EPM2A: variants seen among roughly 807,000 people sequenced by gnomAD.
EPM2A encodes laforin.
In EPM2A, 21 loss-of-function variants were observed where a neutral mutation model predicts 26.5. The observed-to-expected ratio is 0.79, with a 90% CI of 0.56 to 1.14. The LOEUF (loss-of-function observed/expected upper bound fraction) is 1.14, where lower values mean the gene tolerates loss of function less well. Among genes scored for constraint, EPM2A ranks in the 50% most tolerant of loss-of-function variants. EPM2A has a pLI of 0.00. For synonymous variants in EPM2A, 217 were observed against 177.6 expected (o/e 1.22, Z -1.76); for missense variants, 458 against 440.8 (o/e 1.04, Z -0.35).
At chr6:145,409,362 G>A (rs1309352142) in intron 4 of EPM2A, among the ~76,000 whole-genome samples, 4 of 151,992 alleles carry the variant, frequency 2.6e-5, no homozygotes, top group Non-Finnish European at 5.9e-5. Context: ...TCTCCATATA[G>A]GTAGCCATTT....
intron 4 of EPM2A, among the ~76,000 whole-genome samples, chr6:145,389,951 G>T (rs1174305787): frequency 1.3e-5 from 2 of 152,172 alleles, no homozygotes; most frequent in East Asian, 3.8e-4. Context: ...AATTAAAAAT[G>T]GTTAATTCTT....
intron 4 of EPM2A, among the ~76,000 whole-genome samples, chr6:145,486,279 G>A (rs369695767): frequency 2.0e-5 from 3 of 152,090 alleles, no homozygotes; most frequent in African/African-American, 7.2e-5. Flanking sequence ...GAGGTGCTAA[G>A]GATACTCACC....
At chr6:145,570,838 C>T (rs1780944854) in intron 2 of EPM2A, among the ~76,000 whole-genome samples, 1 of 152,194 alleles carries the variant, frequency 6.6e-6, no homozygotes, top group African/African-American at 2.4e-5. Context: ...CATGCATACT[C>T]TTCCTTACCT....
intron 2 of EPM2A, among the ~76,000 whole-genome samples, chr6:145,664,890 G>A (rs1779046731): frequency 6.6e-6 from 1 of 150,636 alleles, no homozygotes; most frequent in African/African-American, 2.4e-5. Flanking sequence ...CATGGAAACT[G>A]AACAACCTGC....
intron 2 of EPM2A, among the ~76,000 whole-genome samples, chr6:145,542,352 C>A (rs140193209): frequency 6.6e-6 from 1 of 152,280 alleles, no homozygotes; most frequent in East Asian, 1.9e-4. Context: ...TCCTGGTGGA[C>A]AAGTGGATTT....
chr6:145,392,006 T>G (rs983111459), intron 4 of EPM2A, among the ~76,000 whole-genome samples: 15 of 151,870 alleles, frequency 9.9e-5, no homozygotes, highest in African/African-American at 3.4e-4. Flanking sequence ...GGAACCTGGG[T>G]TCTAAGGGAA....
intron 1 of EPM2A, among the ~76,000 whole-genome samples, chr6:145,710,260 T>C (rs985171189): frequency 2.0e-5 from 3 of 151,678 alleles, no homozygotes; most frequent in East Asian, 1.9e-4. Context: ...AGAACTCAAA[T>C]AAATTTACAA....
At chr6:145,558,715 C>A (rs1780765721) in intron 2 of EPM2A, among the ~76,000 whole-genome samples, 2 of 152,000 alleles carry the variant, frequency 1.3e-5, no homozygotes, top group South Asian at 4.1e-4. Context: ...GATCCTTTGC[C>A]AATTTTTGAT....
chr6:145,393,043 T>C (rs971848522), intron 4 of EPM2A, among the ~76,000 whole-genome samples: 1 of 152,152 alleles, frequency 6.6e-6, no homozygotes, highest in Non-Finnish European at 1.5e-5. Context: ...TAAATGATGA[T>C]AATGCCAAGC....
intron 4 of EPM2A, among the ~76,000 whole-genome samples, chr6:145,442,225 G>C (rs1397368099): frequency 6.6e-6 from 1 of 152,058 alleles, no homozygotes; most frequent in Admixed American, 6.5e-5. Context: ...TCTCTAAACT[G>C]TTCCAACCTC....
intron 2 of EPM2A, among the ~76,000 whole-genome samples, chr6:145,651,394 C>T (rs955281217): frequency 1.3e-5 from 2 of 152,068 alleles, no homozygotes; most frequent in Non-Finnish European, 2.9e-5. Flanking sequence ...TATGCTTTGG[C>T]GAATTTTCCT....
chr6:145,532,389 T>A (rs1780370854), intron 2 of EPM2A, among the ~76,000 whole-genome samples: 1 of 152,174 alleles, frequency 6.6e-6, no homozygotes, highest in Non-Finnish European at 1.5e-5. Flanking sequence ...GTAAATAACT[T>A]AGAGCAGATA....
chr6:145,542,948 G>A (rs1264127437), intron 2 of EPM2A, among the ~76,000 whole-genome samples: 1 of 151,994 alleles, frequency 6.6e-6, no homozygotes, highest in Non-Finnish European at 1.5e-5. Flanking sequence ...TAGTAGAGAC[G>A]GGGTTTCTCC....
downstream of EPM2A, among the ~76,000 whole-genome samples, chr6:145,624,647 T>C (rs1469543558): frequency 6.6e-6 from 1 of 152,246 alleles, no homozygotes; most frequent in Non-Finnish European, 1.5e-5. Flanking sequence ...AAAGACACTT[T>C]CAGCTTTAAC....
chr6:145,388,622 A>G (rs1778294697), intron 4 of EPM2A, among the ~76,000 whole-genome samples: 1 of 152,024 alleles, frequency 6.6e-6, no homozygotes, highest in African/African-American at 2.4e-5. Context: ...CCATCAACCC[A>G]TCATCTACAT....
At chr6:145,393,094 T>C (rs1041481575) in intron 4 of EPM2A, among the ~76,000 whole-genome samples, 3 of 152,160 alleles carry the variant, frequency 2.0e-5, no homozygotes, top group Admixed American at 6.6e-5. Context: ...ATGAGACCTT[T>C]AGTACTCTGG....
intron 4 of EPM2A, among the ~76,000 whole-genome samples, chr6:145,479,168 A>T (rs1220711327): frequency 6.6e-6 from 1 of 150,796 alleles, no homozygotes; most frequent in Admixed American, 6.6e-5. Flanking sequence ...AGTAGTAAAG[A>T]TCTGTCCTCT....
chr6:145,537,413 T>A lies in EPM2A; in HGVS notation c.341-34838A>T, dbSNP rs146741114. Among the ~76,000 whole-genome samples the A allele has an allele frequency of 2.4e-3, 367 of 152,288 alleles. 1 individual carries two copies. Among genetic ancestry groups the A allele is most frequent in the African/African-American group, 8.1e-3 (338 of 41,572 alleles). The stretch of plus-strand genomic sequence containing the variant: ...CGGTGATTAGACACAAATACTCTGA[T>A]AATTATACTCATTAGACATAACTTA... On this transcript the variant is annotated intron_variant, in intron 2 of 3. Coordinates refer to the EPM2A transcript ENST00000450221.
intron 4 of EPM2A, among the ~76,000 whole-genome samples, chr6:145,408,466 C>T (rs960523874): frequency 4.6e-5 from 7 of 152,158 alleles, no homozygotes; most frequent in African/African-American, 1.7e-4. Context: ...ACCACATTGT[C>T]AGGGCTTCCA....
Sources: gnomAD v4.1 joint callset for allele counts (sites outside exome capture counted in the v4.1 genomes callset) on GRCh38, gnomAD v4.1.1 for gene constraint, MANE v1.5 for transcripts, NCBI Gene and HGNC (gene_info 2026-07-23, HGNC 2026-07-21) for gene names.